AFP: variants seen among roughly 807,000 people sequenced by gnomAD.
The protein encoded by AFP is alpha fetoprotein, also known as alpha-fetoprotein.
A neutral mutation model predicts 78.9 loss-of-function variants in AFP; 64 were observed. The observed-to-expected ratio is 0.81, with a 90% CI of 0.66 to 1.00. The LOEUF is 1.00. AFP is among the 50% of genes least tolerant of loss of function. The pLI is 0.00. For synonymous variants in AFP, 254 were observed against 243.8 expected (o/e 1.04, Z -0.39); for missense variants, 689 against 703.8 (o/e 0.98, Z 0.24).
rs973020353 is a variant in AFP, at chr4:73,455,791, T to C, written c.*171T>C. The C allele has an allele frequency of 1.6e-6, 1 of 629,062 alleles. No homozygotes were observed. Among genetic ancestry groups the C allele is most frequent in the Admixed American group, 3.0e-5 (1 of 33,682 alleles). 39.0% of individuals were successfully genotyped at this position (629,062 alleles called of 1,614,324 possible). ...TCTCCAAATGTTTCCTTTTCCAAGT[T>C]TGCTTATTTATGAAAAGTTATCGAT... On this transcript the variant is annotated 3_prime_UTR_variant, in exon 15 of 15. Coordinates refer to ENST00000395792, the MANE Select transcript of AFP (RefSeq NM_001134.3).
At chr4:73,437,108 T>C in intron 1 of AFP, 52 bp from the exon 2 acceptor site, 3 of 1,346,532 alleles carry the variant, frequency 2.2e-6, no homozygotes, top group Non-Finnish European at 3.2e-6. Context: ...CAATGATTAC[T>C]TTCTTGGTTG....
At chr4:73,447,425 A>C (rs1430097717) in intron 7 of AFP, 37 bp from the exon 8 acceptor site, 4 of 1,484,818 alleles carry the variant, frequency 2.7e-6, no homozygotes, top group Non-Finnish European at 3.7e-6. Context: ...TTAAAGAATA[A>C]ATCTTTAAAA....
intron 10 of AFP, chr4:73,450,401 CT>C: frequency 1.4e-6 from 1 of 697,298 alleles, no homozygotes; most frequent in Non-Finnish European, 2.4e-6. Context: ...CTGGAGTTTG[CT>C]TTTTCATTGT....
rs1306274042 is a variant in AFP at position 73,452,491 on chromosome 4, A to G, written c.1519A>G (p.Asn507Asp). The stretch of plus-strand genomic sequence containing the variant: ...CCAGTGCTGCACTTCTTCATATGCC[A>G]ACAGGAGGCCATGCTTCAGCAGCTT... Reference protein sequence around the residue: ...VGQCCTSSYANRRPCFSSLVV... With the variant: ...VGQCCTSSYADRRPCFSSLVV... The change falls in exon 12 of 15, where the codon AAC becomes GAC. Residue 507 changes from asparagine to aspartate, a missense_variant. Transcript: ENST00000395792. 1 of 1,614,136 alleles carries G rather than the reference A, an allele frequency of 6.2e-7. No individual in the cohort carries two copies. The highest frequency in any genetic ancestry group is 2.2e-5 in the East Asian group (1 of 44,886).
intron 14 of AFP, 33 bp downstream of exon 14, chr4:73,455,323 T>C (rs913610057): frequency 1.3e-6 from 2 of 1,527,168 alleles, no homozygotes; most frequent in African/African-American, 2.7e-5. Context: ...CTGAATACAA[T>C]GTTGTTTCTC....
At chr4:73,453,396 T>G in intron 12 of AFP, 1 of 263,372 alleles carries the variant, frequency 3.8e-6, no homozygotes, top group East Asian at 9.3e-5. Flanking sequence ...ATAAGGGGTG[T>G]GATAACTGGA....
rs1387271047 is a variant in AFP at position 73,445,053 on chromosome 4, A to G, written c.774A>G (p.Leu258=). 6.2e-7 allele frequency: 1 copy of G among 1,613,618 alleles called. No homozygotes were observed. The highest frequency in any genetic ancestry group is 2.2e-5 in the East Asian group (1 of 44,862). The change falls in exon 7 of 15, where the codon CTA becomes CTG. Residue 258 remains leucine, a synonymous_variant. Transcript: ENST00000395792. ...TKVNFTEIQK[L]VLDVAHVHEH... is the part of the protein sequence containing the mutation. ...TTAATTTTACTGAAATCCAGAAACTAGTCCTGGATGTGGCCCATGTACATG... is the reference window on the plus strand; with the variant it reads ...TTAATTTTACTGAAATCCAGAAACTGGTCCTGGATGTGGCCCATGTACATG...
At chr4:73,449,950 A>T (rs1719937217) in intron 9 of AFP, 86 bp from the exon 10 acceptor site, 1 of 814,014 alleles carries the variant, frequency 1.2e-6, no homozygotes, top group Admixed American at 2.6e-5. Context: ...TGGTTTTATA[A>T]TAGTATATAA....
intron 7 of AFP, among the ~76,000 whole-genome samples, 169 bp from the exon 8 acceptor site, chr4:73,447,292 CT>C (rs1325777140): frequency 6.6e-6 from 1 of 150,944 alleles, no homozygotes; most frequent in East Asian, 1.9e-4. Flanking sequence ...TTCCTCCTTC[CT>C]CCATCCCTCT....
intron 7 of AFP, among the ~76,000 whole-genome samples, chr4:73,445,906 C>G (rs1470932244): frequency 6.6e-6 from 1 of 152,042 alleles, no homozygotes; most frequent in Non-Finnish European, 1.5e-5. Flanking sequence ...GACTGTTGAC[C>G]CTCAGATTAC....
At chr4:73,437,122 T>C (rs369009078) in intron 1 of AFP, 38 bp from the exon 2 acceptor site, 48 of 1,525,150 alleles carry the variant, frequency 3.1e-5, no homozygotes, top group Non-Finnish European at 4.2e-5. Flanking sequence ...TTGGTTGCAG[T>C]TGAAAACACG....
intron 4 of AFP, among the ~76,000 whole-genome samples, chr4:73,441,288 C>T (rs969386317): frequency 2.6e-5 from 4 of 151,996 alleles, no homozygotes. Flanking sequence ...GTTGTGGGGC[C>T]GGGCGCGGTG....
Position 73,450,698 on chromosome 4 carries a change from C to T in AFP, c.1373C>T (p.Ala458Val). The stretch of plus-strand genomic sequence containing the variant: ...ATCACCAGAAAAATGGCAGCCACAG[C>T]AGCCACTTGTTGCCAACTCAGTGAG... The part of the protein sequence containing the change: ...MAITRKMAAT[A>V]ATCCQLSEDK... Residue 458 changes from alanine (A) to valine (V), a missense_variant, in exon 11 of 15, where the codon GCA becomes GTA. By Grantham distance (64) the Ala-to-Val change is moderately conservative. Coordinates refer to ENST00000395792, the MANE Select transcript of AFP (RefSeq NM_001134.3). 1 of 1,614,192 alleles carries T rather than the reference C, an allele frequency of 6.2e-7. No homozygotes were observed. The highest frequency in any genetic ancestry group is 8.5e-7 in the Non-Finnish European group (1 of 1,180,016).
At chr4:73,447,227 C>T (rs970049941) in intron 7 of AFP, among the ~76,000 whole-genome samples, 2 of 152,026 alleles carry the variant, frequency 1.3e-5, no homozygotes, top group Non-Finnish European at 2.9e-5. Context: ...TAAAATTAAA[C>T]ATTCACACAT....
chr4:73,438,271 G>A lies in AFP; in HGVS notation c.235G>A (p.Gly79Arg). ...ATTGACTGCAATTGAGAAACCCACT[G>A]GAGATGAACAGTCTTCAGGGTGTTT... The part of the protein sequence containing the change: ...DALTAIEKPT[G>R]DEQSSGCLEN... Residue 79 changes from glycine (G) to arginine (R), a missense_variant, in exon 3 of 15, where the codon GGA becomes AGA. Coordinates refer to ENST00000395792, the MANE Select transcript of AFP (RefSeq NM_001134.3). 2 of 1,613,398 alleles carry A rather than the reference G, an allele frequency of 1.2e-6. No individual in the cohort carries two copies. The highest frequency in any genetic ancestry group is 1.7e-6 in the Non-Finnish European group (2 of 1,179,506).
rs1427524960 is a variant in AFP, at chr4:73,451,465, A to AGC, written c.1428+712_1428+713insGC. Among the ~76,000 whole-genome samples, 3 of 152,084 alleles carry AGC rather than the reference A, an allele frequency of 2.0e-5. No individual in the cohort carries two copies. The East Asian group carries it at 5.8e-4, about 29-fold the overall frequency. On this transcript the variant is annotated intron_variant, in intron 11 of 14. Coordinates refer to ENST00000395792, the MANE Select transcript of AFP (RefSeq NM_001134.3). ...GGGGAGTTATTTGCTGTTAGTCTTC[A>AGC]TGTCATACATTTTTTCCCCAAAGGT...
chr4:73,447,462 G>GA lies in AFP; in HGVS notation c.850dup (p.Ile284AsnfsTer37), dbSNP rs778772992. Reference sequence around the variant, plus strand: ...TTATACTTTATTTTCTCTGTTGCAGGAAAAAATCATGTCCTACATATGTTC... The same window carrying GA: ...TTATACTTTATTTTCTCTGTTGCAGGAAAAAAATCATGTCCTACATATGTTC... On this transcript the variant is annotated frameshift_variant and splice_region_variant, in exon 8 of 15. Transcript: ENST00000395792. LOFTEE classifies it high-confidence loss of function. 6.3e-6 allele frequency: 10 copies of GA among 1,599,276 alleles called. No individual in the cohort carries two copies. Among genetic ancestry groups the GA allele is most frequent in the African/African-American group, 2.7e-5 (2 of 74,196 alleles).
chr4:73,451,981 A>G (rs1720006077), intron 11 of AFP, among the ~76,000 whole-genome samples: 1 of 152,220 alleles, frequency 6.6e-6, no homozygotes, highest in Admixed American at 6.5e-5. Flanking sequence ...GTGTATATGT[A>G]TGTGAATAAA....
rs775316747 is a variant in AFP at position 73,452,573 on chromosome 4, A to G, written c.1601A>G (p.His534Arg). Residue 534 changes from histidine (H) to arginine (R), a missense_variant, in exon 12 of 15, where the codon CAT (histidine) becomes CGT (arginine). His to Arg is a conservative substitution (Grantham distance 29). Coordinates refer to ENST00000395792, the MANE Select transcript of AFP (RefSeq NM_001134.3). ...PAFSDDKFIFHKDLCQAQGVA... is the reference protein window; with the variant it reads ...PAFSDDKFIFRKDLCQAQGVA... ...TTCTCTGATGACAAGTTCATTTTCCATAAGGATCTGTGCCAAGCTCAGGGT... is the reference window on the plus strand; with the variant it reads ...TTCTCTGATGACAAGTTCATTTTCCGTAAGGATCTGTGCCAAGCTCAGGGT... 2 of 1,614,028 alleles carry G rather than the reference A, an allele frequency of 1.2e-6. No homozygotes were observed. Among genetic ancestry groups the G allele is most frequent in the Non-Finnish European group, 1.7e-6 (2 of 1,179,968 alleles).
Sources: allele counts gnomAD v4.1 joint callset (sites outside exome capture counted in the v4.1 genomes callset), GRCh38; gene constraint gnomAD v4.1.1; transcripts MANE v1.5; gene names NCBI Gene and HGNC (gene_info 2026-07-23, HGNC 2026-07-21).